The following ZMYND8 variants were observed in gnomAD, a reference collection of about 807,000 sequenced individuals.
ZMYND8 encodes MYND-type zinc finger-containing chromatin reader ZMYND8.
Under a neutral mutation model 140.8 loss-of-function variants are expected in ZMYND8, and 37 were observed. The observed-to-expected ratio is 0.26, with a 90% CI of 0.20 to 0.35. ZMYND8 has a LOEUF of 0.35. Among genes scored for constraint, ZMYND8 ranks in the 10% least tolerant of loss-of-function variants. The pLI is 1.00. For missense variants in ZMYND8, 1,068 were observed against 1,570.0 expected (o/e 0.68, Z 5.40); for synonymous variants, 592 against 597.1 (o/e 0.99, Z 0.12).
rs2037401658 is a variant in ZMYND8, at chr20:47,224,324, G to C, written c.3249C>G (p.Thr1083=). 6.2e-7 allele frequency: 1 copy of C among 1,614,210 alleles called. No homozygotes were observed. The highest frequency in any genetic ancestry group is 8.5e-7 in the Non-Finnish European group (1 of 1,180,028). ...AGCCCCACAGGGCATTACCTGACTG[G>C]GTGCAGGACTTCATGTGCTCAGGCC... The part of the protein sequence containing the change: ...AHWPEHMKSC[T]QSATAPQQEA... The change falls in exon 19 of 23, where the codon ACC becomes ACG. Residue 1083 remains threonine (T), a synonymous_variant. Coordinates refer to ENST00000471951, the MANE Select transcript of ZMYND8 (RefSeq NM_001281775.3).
chr20:47,229,821 CAG>C lies in ZMYND8; in HGVS notation c.2857-17_2857-16del. On this transcript the variant is annotated splice_polypyrimidine_tract_variant and intron_variant, in intron 16 of 22. Transcript: ENST00000471951. Reference sequence around the variant, plus strand: ...GCATCCATCATCTGAAAGATAAAAACAGAAACAATTCAGCTGATCACTTCTTG... The same window carrying C: ...GCATCCATCATCTGAAAGATAAAAACAAACAATTCAGCTGATCACTTCTTG... The C allele has an allele frequency of 6.2e-7, 1 of 1,603,076 alleles. No homozygotes were observed. Among genetic ancestry groups the C allele is most frequent in the Non-Finnish European group, 8.5e-7 (1 of 1,171,234 alleles).
intron 2 of ZMYND8, among the ~76,000 whole-genome samples, chr20:47,321,856 CTTTTTTTT>C (rs60425976): frequency 8.1e-6 from 1 of 123,468 alleles, no homozygotes; most frequent in Non-Finnish European, 1.7e-5. Flanking sequence ...ACTCGCCGCC[CTTTTTTTT>C]TTTTTTTTTT....
At chr20:47,285,656 A>C in intron 8 of ZMYND8, 2 of 983,780 alleles carry the variant, frequency 2.0e-6, no homozygotes, top group Non-Finnish European at 2.4e-6. Context: ...CCTAAAAATT[A>C]AACTAAGGAA....
At chr20:47,248,423 C>T (rs2073903500) in intron 13 of ZMYND8, among the ~76,000 whole-genome samples, 1 of 152,222 alleles carries the variant, frequency 6.6e-6, no homozygotes, top group African/African-American at 2.4e-5. Context: ...TGGATAGCCC[C>T]AGATGGGTCC....
intron 2 of ZMYND8, among the ~76,000 whole-genome samples, chr20:47,322,438 C>CT (rs1166725847): frequency 0.07 from 8,506 of 120,738 alleles, 933 homozygotes; most frequent in African/African-American, 0.22. Flanking sequence ...GATGGCATTT[C>CT]TTTTTTTTTT....
intron 14 of ZMYND8, among the ~76,000 whole-genome samples, chr20:47,241,302 A>C (rs937097007): frequency 5.9e-5 from 9 of 152,090 alleles, no homozygotes; most frequent in African/African-American, 2.2e-4. Flanking sequence ...CTCAAAAAAA[A>C]AAAAAAAAAA....
In ZMYND8 at chr20:47,351,875, A is replaced by G. The variant is rs2082811085; in HGVS notation, c.15-3949T>C. On this transcript the variant is annotated intron_variant, in intron 1 of 22. Transcript: ENST00000471951. The stretch of plus-strand genomic sequence containing the variant: ...CTGCGAGTTTCAAAGCCACCTTCCT[A>G]AATACCAGAACTAGGAAAAGCTGAA... 5 of 985,296 alleles carry G rather than the reference A, an allele frequency of 5.1e-6. No homozygotes were observed. The Admixed American group carries it at 1.8e-4, about 36-fold the overall frequency. The allele number at this position is 985,296 out of a possible 1,614,324, so 61.0% of individuals were successfully genotyped here. A position where few individuals can be genotyped will look rare whatever the true frequency, so the allele number is the denominator to read the frequency against.
At chr20:47,322,911 T>A (rs949789864) in intron 2 of ZMYND8, among the ~76,000 whole-genome samples, 2 of 152,192 alleles carry the variant, frequency 1.3e-5, no homozygotes, top group Non-Finnish European at 2.9e-5. Context: ...AAGGGCATGC[T>A]TGGCATTGGC....
intron 7 of ZMYND8, 53 bp downstream of exon 7, chr20:47,290,134 T>C (rs375328653): frequency 2.0e-6 from 3 of 1,512,024 alleles, no homozygotes; most frequent in Non-Finnish European, 9.0e-7. Flanking sequence ...GACAGGAATT[T>C]GTGCAACACA....
At chr20:47,331,855 G>A (rs1319301928) in intron 2 of ZMYND8, among the ~76,000 whole-genome samples, 1 of 152,184 alleles carries the variant, frequency 6.6e-6, no homozygotes, top group Non-Finnish European at 1.5e-5. Flanking sequence ...TGGAAGGTCA[G>A]GGTGGAAGCC....
At position 47,210,108 on chromosome 20, in the gene ZMYND8, G is replaced by A. The variant is rs2035040316; in HGVS notation, c.*653C>T. 6.6e-6 allele frequency: 1 copy of A among 152,580 alleles called. No homozygotes were observed. The highest frequency in any genetic ancestry group is 1.5e-5 in the Non-Finnish European group (1 of 68,050). The allele number at this position is 152,580 out of a possible 1,614,324, so 9.5% of individuals were successfully genotyped here. A position where few individuals can be genotyped will look rare whatever the true frequency, so the allele number is the denominator to read the frequency against. ...GAGTCATCATTTCAATCACATGAAA[G>A]AAACTAGCTTCTCCCTGTGTCCGTC... On this transcript the variant is annotated 3_prime_UTR_variant, in exon 23 of 23. Transcript: ENST00000471951.
intron 7 of ZMYND8, among the ~76,000 whole-genome samples, chr20:47,288,570 T>C (rs2147940323): frequency 6.6e-6 from 1 of 152,068 alleles, no homozygotes; most frequent in South Asian, 2.1e-4. Flanking sequence ...ATTTTTGTAT[T>C]TTTAGTAGAG....
chr20:47,289,945 T>C (rs776427223), intron 7 of ZMYND8, among the ~76,000 whole-genome samples: 2 of 152,220 alleles, frequency 1.3e-5, no homozygotes, highest in South Asian at 2.1e-4. Context: ...TATACTTCCA[T>C]TAAAATAAGG....
chr20:47,231,431 C>T lies in ZMYND8; in HGVS notation c.2857-1625G>A, dbSNP rs562445651. On this transcript the variant is annotated intron_variant, in intron 16 of 22. Coordinates refer to ENST00000471951, the MANE Select transcript of ZMYND8 (RefSeq NM_001281775.3). ...AAAAAACAAGAACTGCATGCCGCCC[C>T]GGTAGGGTGTGCACGAGGATTAAAT... Among the ~76,000 whole-genome samples the T allele has an allele frequency of 3.3e-4, 50 of 152,246 alleles. No individual in the cohort carries two copies. In the South Asian group the frequency reaches 9.9e-3, roughly 30 times the overall value.
chr20:47,349,959 A>C, intron 1 of ZMYND8: 1 of 1,534,180 alleles, frequency 6.5e-7, no homozygotes, highest in Non-Finnish European at 8.7e-7. Flanking sequence ...AACAGCCTAG[A>C]GGAGCTGAAT....
chr20:47,293,547 A>G (rs78861635), intron 5 of ZMYND8, among the ~76,000 whole-genome samples: 5,612 of 152,222 alleles, frequency 0.037, 321 homozygotes, highest in African/African-American at 0.12. Flanking sequence ...CACCCTCTAC[A>G]GAAAAGTCAC....
Position 47,347,922 on chromosome 20 carries a change from C to A in ZMYND8, c.19G>T (p.Ala7Ser), listed in dbSNP as rs1456230080. The change falls in exon 2 of 23, where the codon GCT becomes TCT. Residue 7 changes from alanine to serine, a missense_variant. Transcript: ENST00000471951. ...TGTTCTGTTTTTATTTCCTCTTCAG[C>A]CAAGCTGAAACAGAGCAAATTATGT... is the stretch of plus-strand genomic sequence containing the variant. MHPQSLAEEEIKTEQEV... is the reference protein window; with the variant it reads MHPQSLSEEEIKTEQEV... 6.2e-7 allele frequency: 1 copy of A among 1,613,808 alleles called. No homozygotes were observed. Among genetic ancestry groups the A allele is most frequent in the Non-Finnish European group, 8.5e-7 (1 of 1,180,020 alleles).
chr20:47,220,311 G>A lies in ZMYND8; in HGVS notation c.3431C>T (p.Ser1144Phe). ...GGAGGAGGGCGTCTCTCTGGAGCCA[G>A]AAAGGTCAAGGGTCTAGAAATACAA... ...SKESGSTLDL[S>F]GSRETPSSIL... Residue 1144 changes from serine to phenylalanine, a missense_variant, in exon 21 of 23, where the codon TCT becomes TTT. Physicochemically the swap from Ser to Phe is radical, Grantham distance 155. Transcript: ENST00000471951. 6.4e-7 allele frequency: 1 copy of A among 1,560,894 alleles called. No individual in the cohort carries two copies. The highest frequency in any genetic ancestry group is 8.7e-7 in the Non-Finnish European group (1 of 1,151,640).
chr20:47,355,466 C>T, intron 1 of ZMYND8: 1 of 985,422 alleles, frequency 1.0e-6, no homozygotes, highest in Non-Finnish European at 1.2e-6. Flanking sequence ...AATGTTCAAG[C>T]AACCGTCTCA....
Sources: gnomAD v4.1 joint callset for allele counts (sites outside exome capture counted in the v4.1 genomes callset) on GRCh38, gnomAD v4.1.1 for gene constraint, MANE v1.5 for transcripts, NCBI Gene and HGNC (gene_info 2026-07-23, HGNC 2026-07-21) for gene names.